Variants in UBE2R2 observed in about 807,000 individuals in gnomAD.
UBE2R2 encodes ubiquitin conjugating enzyme E2 R2.
UBE2R2 carries 1 observed loss-of-function variant against 27.8 expected under a neutral mutation model. The ratio of observed to expected loss-of-function variants is 0.04; its 90% CI spans 0.01 to 0.17. The LOEUF (loss-of-function observed/expected upper bound fraction) is 0.17, where lower values mean the gene tolerates loss of function less well. Ranked by LOEUF, UBE2R2 falls within the 10% of genes least tolerant of loss-of-function variation. UBE2R2 has a pLI of 1.00. For missense variants in UBE2R2, 100 were observed against 291.0 expected (o/e 0.34, Z 4.78); for synonymous variants, 106 against 113.3 (o/e 0.94, Z 0.41).
chr9:33,844,356 C>T (rs984854055), intron 1 of UBE2R2, among the ~76,000 whole-genome samples: 30 of 152,094 alleles, frequency 2.0e-4, no homozygotes, highest in Admixed American at 2.6e-4. Flanking sequence ...AGGTGTGCGC[C>T]ACCATGCCCA....
At chr9:33,850,566 T>C (rs1346113427) in intron 1 of UBE2R2, among the ~76,000 whole-genome samples, 1 of 152,178 alleles carries the variant, frequency 6.6e-6, no homozygotes, top group African/African-American at 2.4e-5. Context: ...CTGACTTGCA[T>C]ATCTAGCTTC....
At chr9:33,907,786 CAA>C (rs1056896315) in intron 3 of UBE2R2, among the ~76,000 whole-genome samples, 1 of 151,306 alleles carries the variant, frequency 6.6e-6, no homozygotes, top group South Asian at 2.1e-4. Flanking sequence ...ATTTTTTAAA[CAA>C]AAAAATGAGC....
chr9:33,878,918 C>A (rs1040429904), intron 1 of UBE2R2, among the ~76,000 whole-genome samples: 8 of 152,090 alleles, frequency 5.3e-5, no homozygotes, highest in South Asian at 2.1e-4. Flanking sequence ...GGCTTATCTG[C>A]TTTCTTTTAT....
At chr9:33,890,315 G>A (rs936451434) in intron 2 of UBE2R2, among the ~76,000 whole-genome samples, 4 of 152,218 alleles carry the variant, frequency 2.6e-5, no homozygotes, top group African/African-American at 9.6e-5. Context: ...GCCGGGCGCA[G>A]TGGCTCACCC....
chr9:33,906,093 T>C (rs548413959), intron 3 of UBE2R2, among the ~76,000 whole-genome samples: 155 of 149,370 alleles, frequency 1.0e-3, no homozygotes, highest in Non-Finnish European at 1.7e-3. Context: ...TTGTTGTTGT[T>C]GTCGTCGTCG....
In UBE2R2 at chr9:33,907,839, T is replaced by G. The variant is rs528645867; in HGVS notation, c.363-4125T>G. Among the ~76,000 whole-genome samples, 20 of 152,160 alleles carry G rather than the reference T, an allele frequency of 1.3e-4. 1 individual carries two copies. The highest frequency in any genetic ancestry group is 3.9e-4 in the African/African-American group (16 of 41,508). The stretch of plus-strand genomic sequence containing the variant: ...TTTTTTGTTTTGTTTTGTTGTTGTT[T>G]TTTTTTAAGACAGAGTTTCGCTCTT... On this transcript the variant is annotated intron_variant, in intron 3 of 4. Transcript: ENST00000263228.
intron 1 of UBE2R2, among the ~76,000 whole-genome samples, chr9:33,830,260 C>T (rs1476484537): frequency 6.8e-6 from 1 of 146,396 alleles, no homozygotes; most frequent in East Asian, 2.1e-4. Context: ...TGGATTCAAA[C>T]AATTCTCATG....
At chr9:33,869,180 G>A (rs1021326761) in intron 1 of UBE2R2, among the ~76,000 whole-genome samples, 5 of 152,012 alleles carry the variant, frequency 3.3e-5, no homozygotes, top group African/African-American at 1.2e-4. Flanking sequence ...GAGGTAGGAG[G>A]ATTGCTTGAG....
intron 1 of UBE2R2, among the ~76,000 whole-genome samples, chr9:33,885,969 G>A (rs1821844058): frequency 6.6e-6 from 1 of 152,122 alleles, no homozygotes; most frequent in South Asian, 2.1e-4. Context: ...TTATAAAATG[G>A]TTCATGTAGG....
At chr9:33,897,095 G>A (rs1414967079) in intron 2 of UBE2R2, among the ~76,000 whole-genome samples, 1 of 130,014 alleles carries the variant, frequency 7.7e-6, no homozygotes, top group Non-Finnish European at 1.6e-5. Flanking sequence ...GGAGTGCAGT[G>A]GCGCGATCTC....
At chr9:33,864,263 A>C (rs1821311208) in intron 1 of UBE2R2, among the ~76,000 whole-genome samples, 1 of 152,236 alleles carries the variant, frequency 6.6e-6, no homozygotes, top group Admixed American at 6.5e-5. Flanking sequence ...GGTGGAAAGC[A>C]GACAGGCCAT....
intron 2 of UBE2R2, among the ~76,000 whole-genome samples, chr9:33,889,406 G>A (rs563173145): frequency 3.9e-5 from 6 of 151,940 alleles, no homozygotes; most frequent in Admixed American, 2.6e-4. Flanking sequence ...GGGTTTCACC[G>A]TGTTAGCCAG....
At chr9:33,855,536 G>A (rs991971994) in intron 1 of UBE2R2, among the ~76,000 whole-genome samples, 10 of 152,108 alleles carry the variant, frequency 6.6e-5, no homozygotes, top group African/African-American at 2.2e-4. Context: ...ATCCAAGTTC[G>A]ATTCAAGTTC....
chr9:33,884,225 T>TCTCTCTCTCTCTCTCTCTCTCC (rs753452133), intron 1 of UBE2R2, among the ~76,000 whole-genome samples: 4 of 145,726 alleles, frequency 2.7e-5, no homozygotes, highest in Non-Finnish European at 6.0e-5. Context: ...TCTCTCTCTC[T>TCTCTCTCTCTCTCTCTCTCTCC]CTCTCTCTCT....
At position 33,900,169 on chromosome 9, in the gene UBE2R2, T is replaced by C; in HGVS notation, c.265-5T>C. 6.2e-7 allele frequency: 1 copy of C among 1,610,424 alleles called. No individual in the cohort carries two copies. ...TTTACTGAATGTAATGTTTGTGTCT[T>C]GTAGAATGGAGATGTATGCATTTCG... On this transcript the variant is annotated splice_region_variant and splice_polypyrimidine_tract_variant and intron_variant, in intron 2 of 4. Coordinates refer to ENST00000263228, the MANE Select transcript of UBE2R2 (RefSeq NM_017811.4).
At chr9:33,897,024 ATTTTTTTTT>A (rs749987839) in intron 2 of UBE2R2, among the ~76,000 whole-genome samples, 4 of 40,596 alleles carry the variant, frequency 9.9e-5, no homozygotes, top group Non-Finnish European at 1.7e-4. Context: ...CTGTGGCCTA[ATTTTTTTTT>A]TTTTTTTTTT....
chr9:33,849,830 C>T (rs992166696), intron 1 of UBE2R2, among the ~76,000 whole-genome samples: 4 of 152,186 alleles, frequency 2.6e-5, no homozygotes, highest in Non-Finnish European at 5.9e-5. Flanking sequence ...CTACTGCGCT[C>T]CAGCCTGGGC....
At chr9:33,821,134 T>C (rs1825974597) in intron 1 of UBE2R2, among the ~76,000 whole-genome samples, 1 of 152,192 alleles carries the variant, frequency 6.6e-6, no homozygotes, top group Non-Finnish European at 1.5e-5. Context: ...TAATGAAGAC[T>C]TTTAACAAGT....
chr9:33,871,158 A>T (rs1432282033), intron 1 of UBE2R2, among the ~76,000 whole-genome samples: 1 of 152,148 alleles, frequency 6.6e-6, no homozygotes, highest in East Asian at 1.9e-4. Context: ...ACTAGTAGAG[A>T]TTTCATTTGA....
Sources: gnomAD v4.1 joint callset for allele counts (sites outside exome capture counted in the v4.1 genomes callset) on GRCh38, gnomAD v4.1.1 for gene constraint, MANE v1.5 for transcripts, NCBI Gene and HGNC (gene_info 2026-07-23, HGNC 2026-07-21) for gene names.